The following ZFAND3 variants were observed in gnomAD, a reference collection of about 807,000 sequenced individuals.
The protein encoded by ZFAND3 is AN1-type zinc finger protein 3.
A neutral mutation model predicts 29.6 loss-of-function variants in ZFAND3; 10 were observed. The ratio of observed to expected loss-of-function variants is 0.34; its 90% CI spans 0.21 to 0.57. The LOEUF is 0.57. Among genes scored for constraint, ZFAND3 ranks in the 20% least tolerant of loss-of-function variants. The probability of loss-of-function intolerance (pLI) is 0.86; values close to 1 mark genes in which losing one functional copy is unlikely to be tolerated. For missense variants in ZFAND3, 230 were observed against 304.5 expected (o/e 0.76, Z 1.82); for synonymous variants, 128 against 112.6 (o/e 1.14, Z -0.87).
intron 2 of ZFAND3, among the ~76,000 whole-genome samples, chr6:38,021,352 A>C (rs1763345691): frequency 6.6e-6 from 1 of 152,342 alleles, no homozygotes; most frequent in African/African-American, 2.4e-5. Context: ...AAGAGGTAGG[A>C]AAGAAGGGAG....
At chr6:38,059,941 A>G (rs778026785) in intron 2 of ZFAND3, among the ~76,000 whole-genome samples, 1 of 152,178 alleles carries the variant, frequency 6.6e-6, no homozygotes, top group Non-Finnish European at 1.5e-5. Context: ...CTTATTAATT[A>G]TTTTGTGTGA....
chr6:37,928,220 A>G (rs1408753739), intron 1 of ZFAND3, among the ~76,000 whole-genome samples: 1 of 152,148 alleles, frequency 6.6e-6, no homozygotes, highest in Non-Finnish European at 1.5e-5. Context: ...GTTCCAGCAC[A>G]TGGGGCAAAC....
At chr6:38,107,372 C>G (rs1765229857) in intron 4 of ZFAND3, among the ~76,000 whole-genome samples, 1 of 152,178 alleles carries the variant, frequency 6.6e-6, no homozygotes, top group Non-Finnish European at 1.5e-5. Flanking sequence ...GCATTCTTCT[C>G]CCCAACTGCA....
chr6:37,900,252 G>A (rs896997231), intron 1 of ZFAND3, among the ~76,000 whole-genome samples: 1 of 152,172 alleles, frequency 6.6e-6, no homozygotes, highest in Admixed American at 6.5e-5. Context: ...TTATCTTAAT[G>A]TTTTTATTTA....
chr6:38,090,883 CTG>C, intron 4 of ZFAND3, among the ~76,000 whole-genome samples: 1 of 152,312 alleles, frequency 6.6e-6, no homozygotes, highest in South Asian at 2.1e-4. Flanking sequence ...GGAAAATTAA[CTG>C]TTTTGTAATT....
intron 2 of ZFAND3, among the ~76,000 whole-genome samples, chr6:38,036,821 C>T (rs1315221258): frequency 6.6e-6 from 1 of 151,992 alleles, no homozygotes; most frequent in Non-Finnish European, 1.5e-5. Context: ...ACTATGTTTT[C>T]CAGGCTGGTC....
chr6:38,056,211 T>C (rs536361865), intron 2 of ZFAND3, among the ~76,000 whole-genome samples: 2 of 152,342 alleles, frequency 1.3e-5, no homozygotes, highest in East Asian at 1.9e-4. Flanking sequence ...GTTTAGTTCA[T>C]GTATCTATAA....
intron 1 of ZFAND3, among the ~76,000 whole-genome samples, chr6:37,921,122 T>C (rs1030791759): frequency 1.3e-5 from 2 of 152,022 alleles, no homozygotes; most frequent in Non-Finnish European, 2.9e-5. Context: ...CTCTTACCCA[T>C]CCCTCCCCTT....
At chr6:37,835,635 A>T (rs1309483178) in intron 1 of ZFAND3, among the ~76,000 whole-genome samples, 1 of 152,120 alleles carries the variant, frequency 6.6e-6, no homozygotes, top group Non-Finnish European at 1.5e-5. Context: ...TATGAAAAGG[A>T]TGTCTCCCTC....
intron 4 of ZFAND3, among the ~76,000 whole-genome samples, chr6:38,103,207 T>A (rs1562000055): frequency 6.6e-6 from 1 of 152,114 alleles, no homozygotes; most frequent in Admixed American, 6.5e-5. Flanking sequence ...TCAGATAACA[T>A]CATTTGGTTA....
intron 4 of ZFAND3, among the ~76,000 whole-genome samples, chr6:38,103,048 C>T (rs1053559896): frequency 5.3e-5 from 8 of 152,128 alleles, no homozygotes; most frequent in East Asian, 1.9e-4. Flanking sequence ...TGAGCCACCG[C>T]GCCTGGCTGG....
intron 2 of ZFAND3, among the ~76,000 whole-genome samples, chr6:37,944,062 G>GGTAAAA (rs1761857320): frequency 6.6e-6 from 1 of 152,070 alleles, no homozygotes; most frequent in African/African-American, 2.4e-5. Flanking sequence ...TAGTCTTGCA[G>GGTAAAA]GTAAACATTC....
At chr6:37,820,057 G>A (rs1763633054) in intron 1 of ZFAND3, 41 bp downstream of exon 1, 3 of 1,200,860 alleles carry the variant, frequency 2.5e-6, no homozygotes, top group Non-Finnish European at 3.1e-6. Context: ...CGGGGGCCGG[G>A]GGCGCAGACG....
intron 2 of ZFAND3, among the ~76,000 whole-genome samples, chr6:38,038,360 G>T (rs923439213): frequency 6.6e-6 from 1 of 152,108 alleles, no homozygotes; most frequent in African/African-American, 2.4e-5. Context: ...TAGCATGGTG[G>T]TCAATTAGCT....
chr6:37,950,144 A>T (rs2645098), intron 2 of ZFAND3, among the ~76,000 whole-genome samples: 132,418 of 152,234 alleles, frequency 0.87, 58,408 homozygotes, highest in East Asian at 0.96. Flanking sequence ...CAGAAGCTCT[A>T]TACTTAGGTT....
intron 4 of ZFAND3, among the ~76,000 whole-genome samples, chr6:38,095,445 C>T (rs1369829063): frequency 1.3e-5 from 2 of 151,722 alleles, no homozygotes. Context: ...TTTTTTTCTA[C>T]AGTATTTGGT....
chr6:38,094,591 T>C (rs1342610780), intron 4 of ZFAND3, among the ~76,000 whole-genome samples: 1 of 152,206 alleles, frequency 6.6e-6, no homozygotes, highest in Non-Finnish European at 1.5e-5. Flanking sequence ...TCAACTGGCA[T>C]GAAATAGGAA....
In ZFAND3 at chr6:37,943,254, C is replaced by T. The variant is rs10498740; in HGVS notation, c.112+13255C>T. On this transcript the variant is annotated intron_variant, in intron 2 of 5. Transcript: ENST00000287218. ...TCATTGTAACAGTATTACTAAATGCCCTGTACTTCAGATTTGAAGATTAAC... is the reference window on the plus strand; with the variant it reads ...TCATTGTAACAGTATTACTAAATGCTCTGTACTTCAGATTTGAAGATTAAC... 0.017 allele frequency among the ~76,000 whole-genome samples: 2,593 copies of T among 152,166 alleles called. 254 individuals are homozygous for T. In the East Asian group the frequency reaches 0.28, roughly 16 times the overall value.
intron 2 of ZFAND3, among the ~76,000 whole-genome samples, chr6:38,006,828 A>G (rs1763059151): frequency 6.6e-6 from 1 of 152,064 alleles, no homozygotes; most frequent in Middle Eastern, 3.2e-3. Context: ...GTCCAGACTC[A>G]TCCGAGAGGA....
Sources: allele counts gnomAD v4.1 joint callset (sites outside exome capture counted in the v4.1 genomes callset), GRCh38; gene constraint gnomAD v4.1.1; transcripts MANE v1.5; gene names NCBI Gene and HGNC (gene_info 2026-07-23, HGNC 2026-07-21).